Variants in ADAMTS20 observed in about 807,000 individuals in gnomAD.
ADAMTS20 encodes ADAM metallopeptidase with thrombospondin type 1 motif 20.
In ADAMTS20, 225 loss-of-function variants were observed where a neutral mutation model predicts 260.1. The ratio of observed to expected loss-of-function variants is 0.87; its 90% CI spans 0.78 to 0.97. The LOEUF (loss-of-function observed/expected upper bound fraction) is 0.97, where lower values mean the gene tolerates loss of function less well. Among genes scored for constraint, ADAMTS20 ranks in the 50% least tolerant of loss-of-function variants. ADAMTS20 has a pLI of 0.00. For missense variants in ADAMTS20, 2,400 were observed against 2,337.7 expected (o/e 1.03, Z -0.55); for synonymous variants, 802 against 769.5 (o/e 1.04, Z -0.70).
chr12:43,395,677 CTTTTTTTTTTTTT>C (rs5797860), intron 29 of ADAMTS20, among the ~76,000 whole-genome samples: 3 of 90,828 alleles, frequency 3.3e-5, no homozygotes, highest in Non-Finnish European at 6.3e-5. Context: ...GTGTGAGATT[CTTTTTTTTTTTTT>C]TTTTTTTTTT....
At chr12:43,368,611 A>T (rs186501851) in intron 37 of ADAMTS20, among the ~76,000 whole-genome samples, 12 of 152,230 alleles carry the variant, frequency 7.9e-5, no homozygotes, top group Non-Finnish European at 1.2e-4. Context: ...TGTCTTAGGT[A>T]GTAGATTTGA....
intron 31 of ADAMTS20, among the ~76,000 whole-genome samples, chr12:43,378,567 G>A (rs1055806949): frequency 7.2e-5 from 11 of 152,204 alleles, no homozygotes; most frequent in African/African-American, 2.7e-4. Context: ...TGCAAGGCAA[G>A]AGAGAGTCAA....
intron 3 of ADAMTS20, among the ~76,000 whole-genome samples, chr12:43,527,629 A>G (rs933016568): frequency 1.3e-5 from 2 of 152,194 alleles, no homozygotes; most frequent in African/African-American, 4.8e-5. Flanking sequence ...CTTGAAAAAA[A>G]TCCAGCATCT....
rs534857918 is a variant in ADAMTS20 at position 43,444,927 on chromosome 12, C to T, written c.2198-1044G>A. ...AAGGCATCACATTTTTAGTGTAAGA[C>T]GATAAGAAATAGTTTCATGATTCGG... On this transcript the variant is annotated intron_variant, in intron 15 of 38. Coordinates refer to ENST00000389420, the MANE Select transcript of ADAMTS20 (RefSeq NM_025003.5). Among the ~76,000 whole-genome samples, 13 of 152,094 alleles carry T rather than the reference C, an allele frequency of 8.5e-5. No individual in the cohort carries two copies. The South Asian group carries it at 1.5e-3, about 17-fold the overall frequency.
intron 7 of ADAMTS20, 132 bp downstream of exon 7, chr12:43,490,263 A>G: frequency 2.0e-6 from 1 of 492,946 alleles, no homozygotes; most frequent in South Asian, 3.0e-5. Flanking sequence ...ATAAGTGACA[A>G]GTGTAATAAT....
At chr12:43,393,273 T>A (rs1002355206) in intron 29 of ADAMTS20, among the ~76,000 whole-genome samples, 1 of 152,022 alleles carries the variant, frequency 6.6e-6, no homozygotes, top group Non-Finnish European at 1.5e-5. Flanking sequence ...TTCGTTTTTT[T>A]AAAAAATCCA....
intron 3 of ADAMTS20, among the ~76,000 whole-genome samples, chr12:43,522,318 C>G (rs1421751873): frequency 6.6e-6 from 1 of 152,174 alleles, no homozygotes; most frequent in Non-Finnish European, 1.5e-5. Flanking sequence ...CTTCCATGAT[C>G]CAATTACCCC....
chr12:43,370,930 C>G (rs147791604), intron 36 of ADAMTS20, among the ~76,000 whole-genome samples: 1 of 152,150 alleles, frequency 6.6e-6, no homozygotes, highest in African/African-American at 2.4e-5. Flanking sequence ...TTGTTACATT[C>G]GCTTCCTAAT....
At chr12:43,491,456 T>C (rs1430781408) in intron 6 of ADAMTS20, among the ~76,000 whole-genome samples, 2 of 152,222 alleles carry the variant, frequency 1.3e-5, no homozygotes, top group Non-Finnish European at 2.9e-5. Flanking sequence ...CTGAAGTTTT[T>C]CATTTCAGGA....
intron 7 of ADAMTS20, among the ~76,000 whole-genome samples, chr12:43,483,464 C>A (rs1232828675): frequency 2.6e-5 from 4 of 152,160 alleles, no homozygotes; most frequent in Non-Finnish European, 5.9e-5. Flanking sequence ...AAGGGTACTT[C>A]TCCCCCTCAC....
chr12:43,430,887 G>T (rs1235631342), intron 22 of ADAMTS20, among the ~76,000 whole-genome samples: 1 of 152,098 alleles, frequency 6.6e-6, no homozygotes, highest in Non-Finnish European at 1.5e-5. Flanking sequence ...ATGAGAGAAG[G>T]CTTCCTGTCA....
At chr12:43,390,679 C>T (rs567154885) in intron 29 of ADAMTS20, among the ~76,000 whole-genome samples, 1 of 152,310 alleles carries the variant, frequency 6.6e-6, no homozygotes, top group African/African-American at 2.4e-5. Context: ...CTTTCCTACA[C>T]TGTCCAATAA....
intron 3 of ADAMTS20, among the ~76,000 whole-genome samples, chr12:43,507,393 T>C (rs990468536): frequency 2.0e-5 from 3 of 152,164 alleles, no homozygotes; most frequent in Admixed American, 6.5e-5. Flanking sequence ...AATGTGGGAC[T>C]ACAAGCGGCC....
At chr12:43,532,740 T>G (rs1378370079) in intron 2 of ADAMTS20, among the ~76,000 whole-genome samples, 2 of 81,806 alleles carry the variant, frequency 2.4e-5, no homozygotes, top group Admixed American at 1.3e-4. Context: ...GAGTGTGATA[T>G]TCCCCTTCCT....
chr12:43,475,819 C>T (rs1316199102), intron 7 of ADAMTS20, among the ~76,000 whole-genome samples: 1 of 148,266 alleles, frequency 6.7e-6, no homozygotes, highest in Non-Finnish European at 1.5e-5. Flanking sequence ...GGATCCCTTC[C>T]TTACACCTTA....
intron 29 of ADAMTS20, among the ~76,000 whole-genome samples, chr12:43,392,195 A>C (rs1940610081): frequency 6.6e-6 from 1 of 152,148 alleles, no homozygotes; most frequent in African/African-American, 2.4e-5. Flanking sequence ...AACGTAAATG[A>C]ATCTCTTATG....
chr12:43,488,630 A>G (rs1238894822), intron 7 of ADAMTS20, among the ~76,000 whole-genome samples: 1 of 152,198 alleles, frequency 6.6e-6, no homozygotes, highest in Non-Finnish European at 1.5e-5. Flanking sequence ...TTTGTACAAT[A>G]TTATAAAGGT....
intron 28 of ADAMTS20, among the ~76,000 whole-genome samples, chr12:43,424,388 T>C (rs1480216338): frequency 6.6e-6 from 1 of 152,074 alleles, no homozygotes; most frequent in East Asian, 1.9e-4. Context: ...ATTAAAATAT[T>C]CCCAAACCAC....
In ADAMTS20 at chr12:43,432,293, G is replaced by A. The variant is rs1268320109; in HGVS notation, c.3096+11C>T. On this transcript the variant is annotated intron_variant, in intron 21 of 38. Coordinates refer to ENST00000389420, the MANE Select transcript of ADAMTS20 (RefSeq NM_025003.5). Reference sequence around the variant, plus strand: ...ATTTTAATAGTTCCAAGCATCATGTGTTTAATGTACCTCGCTCCATTCACT... The same window carrying A: ...ATTTTAATAGTTCCAAGCATCATGTATTTAATGTACCTCGCTCCATTCACT... The A allele has an allele frequency of 1.2e-6, 2 of 1,611,426 alleles. No individual in the cohort carries two copies. Among genetic ancestry groups the A allele is most frequent in the Admixed American group, 3.4e-5 (2 of 59,658 alleles).
Sources: allele counts gnomAD v4.1 joint callset (sites outside exome capture counted in the v4.1 genomes callset), GRCh38; gene constraint gnomAD v4.1.1; transcripts MANE v1.5; gene names NCBI Gene and HGNC (gene_info 2026-07-23, HGNC 2026-07-21).